The following PRKDC variants were observed in gnomAD, a reference collection of about 807,000 sequenced individuals.
PRKDC encodes DNA-dependent protein kinase catalytic subunit.
Under a neutral mutation model 486.9 loss-of-function variants are expected in PRKDC, and 82 were observed. The observed-to-expected ratio is 0.17, with a 90% confidence interval of 0.14 to 0.20. The LOEUF is 0.20. Among genes scored for constraint, PRKDC ranks in the 10% least tolerant of loss-of-function variants. The pLI, the probability that PRKDC is intolerant of heterozygous loss-of-function variation, is 1.00. For missense variants in PRKDC, 4,504 were observed against 5,038.2 expected (o/e 0.89, Z 3.21); for synonymous variants, 1,895 against 1,837.0 (o/e 1.03, Z -0.81).
intron 68 of PRKDC, among the ~76,000 whole-genome samples, chr8:47,815,032 G>A (rs992080310): frequency 1.3e-5 from 2 of 152,122 alleles, no homozygotes; most frequent in Non-Finnish European, 2.9e-5. Flanking sequence ...CAGGCATGGT[G>A]GCGCACGCCT....
rs531214627 is a variant in PRKDC at position 47,933,266 on chromosome 8, C to T, written c.1624-94G>A. ...AAGACACATACACAGATGTATGTGCCGGTTTGGGTATTATGGAAACAGTGA... is the reference window on the plus strand; with the variant it reads ...AAGACACATACACAGATGTATGTGCTGGTTTGGGTATTATGGAAACAGTGA... On this transcript the variant is annotated intron_variant, in intron 15 of 85. Transcript: ENST00000314191. 3.9e-6 allele frequency: 4 copies of T among 1,030,062 alleles called. No homozygotes were observed. In the East Asian group the frequency reaches 9.6e-5, roughly 25 times the overall value. The allele number at this position is 1,030,062 out of a possible 1,614,324, so 63.8% of individuals were successfully genotyped here. A position where few individuals can be genotyped will look rare whatever the true frequency, so the allele number is the denominator to read the frequency against.
intron 7 of PRKDC, among the ~76,000 whole-genome samples, chr8:47,951,802 A>G (rs2090629599): frequency 6.6e-6 from 1 of 152,238 alleles, no homozygotes; most frequent in African/African-American, 2.4e-5. Context: ...AAAATGGGCA[A>G]AAGATCTGAA....
Position 47,778,616 on chromosome 8 carries a change from G to A in PRKDC, c.11696C>T (p.Ala3899Val), listed in dbSNP as rs371310347. ...RMSTSPEAFL[A>V]LRSHFASSHA... is the part of the protein sequence containing the mutation. ...AGAGCTGGCGAAGTGGGAGCGGAGC[G>A]CCAGGAAAGCCTCAGGGCTTGTACT... The change falls in exon 83 of 86, where the codon GCG becomes GTG. Residue 3899 changes from alanine to valine, a missense_variant. Around this residue, in one of 6 missense-constraint regions of PRKDC, gnomAD observed 706 missense variants for 945.0 expected, o/e 0.75. Coordinates refer to ENST00000314191, the MANE Select transcript of PRKDC (RefSeq NM_006904.7). The A allele has an allele frequency of 3.5e-5, 57 of 1,613,562 alleles. No individual in the cohort carries two copies. Among genetic ancestry groups the A allele is most frequent in the Middle Eastern group, 3.3e-4 (2 of 6,084 alleles).
chr8:47,949,420 A>T (rs1180828612), intron 7 of PRKDC, among the ~76,000 whole-genome samples: 1 of 152,228 alleles, frequency 6.6e-6, no homozygotes, highest in Admixed American at 6.5e-5. Flanking sequence ...TGCCATGAAG[A>T]GTCATTACAG....
At chr8:47,953,742 A>G in intron 6 of PRKDC, 23 bp from the exon 7 acceptor site, 1 of 1,595,850 alleles carries the variant, frequency 6.3e-7, no homozygotes, top group Non-Finnish European at 8.5e-7. Flanking sequence ...ATTTAAGAAG[A>G]TGTCATTACA....
chr8:47,879,755 T>A, intron 38 of PRKDC, 97 bp from the exon 39 acceptor site: 1 of 1,066,732 alleles, frequency 9.4e-7, no homozygotes, highest in Non-Finnish European at 1.3e-6. Flanking sequence ...AATAAAGCAT[T>A]ATGTGGAATC....
At chr8:47,933,209 G>A in intron 15 of PRKDC, 37 bp from the exon 16 acceptor site, 1 of 1,411,256 alleles carries the variant, frequency 7.1e-7, no homozygotes, top group Non-Finnish European at 9.4e-7. Context: ...TCAAAATCTT[G>A]TGCAAAAATG....
At position 47,807,142 on chromosome 8, in the gene PRKDC, T is replaced by C; in HGVS notation, c.9742A>G (p.Lys3248Glu). ...MKMKMIDSAR[K>E]QNNFSLAMKL... is the part of the protein sequence containing the mutation. ...GGACAGACACGAGTACCCACCTGCT[T>C]CCGGGCACTGTCTATCATCTTCATT... The change falls in exon 69 of 86, where the codon AAG (lysine) becomes GAG (glutamate). Residue 3248 changes from lysine (K) to glutamate (E), a missense_variant. Coordinates refer to ENST00000314191, the MANE Select transcript of PRKDC (RefSeq NM_006904.7). The C allele has an allele frequency of 6.2e-7, 1 of 1,613,478 alleles. No individual in the cohort carries two copies. The highest frequency in any genetic ancestry group is 8.5e-7 in the Non-Finnish European group (1 of 1,179,600).
intron 25 of PRKDC, among the ~76,000 whole-genome samples, chr8:47,910,194 C>T (rs2089871532): frequency 6.6e-6 from 1 of 152,062 alleles, no homozygotes; most frequent in African/African-American, 2.4e-5. Context: ...GCTGGTTCCC[C>T]CAATATTCCT....
chr8:47,808,164 C>T (rs1377495339), intron 68 of PRKDC, among the ~76,000 whole-genome samples: 1 of 151,932 alleles, frequency 6.6e-6, no homozygotes, highest in African/African-American at 2.4e-5. Context: ...TTTTTTGAGA[C>T]AGGGTCTTGC....
At chr8:47,780,665 C>T (rs2086684387) in intron 80 of PRKDC, among the ~76,000 whole-genome samples, 1 of 152,144 alleles carries the variant, frequency 6.6e-6, no homozygotes, top group Admixed American at 6.5e-5. Flanking sequence ...GTAGGCCGGG[C>T]GCAGTGGCTC....
intron 49 of PRKDC, 92 bp downstream of exon 49, chr8:47,857,064 G>T: frequency 7.5e-7 from 1 of 1,336,798 alleles, no homozygotes; most frequent in Non-Finnish European, 9.9e-7. Flanking sequence ...CCATAGCACA[G>T]TCAGTGAGAG....
At chr8:47,863,687 CA>C (rs2088731796) in intron 41 of PRKDC, 110 bp from the exon 42 acceptor site, 4 of 932,064 alleles carry the variant, frequency 4.3e-6, no homozygotes, top group Non-Finnish European at 6.3e-6. Context: ...AGAATTTTAA[CA>C]GTCAAAAATG....
At chr8:47,871,982 T>C (rs187747277) in intron 40 of PRKDC, among the ~76,000 whole-genome samples, 42 of 152,240 alleles carry the variant, frequency 2.8e-4, no homozygotes, top group African/African-American at 3.9e-4. Context: ...AAGAAAACCA[T>C]AGAATATTGT....
intron 76 of PRKDC, 71 bp downstream of exon 76, chr8:47,788,833 TAC>T: frequency 7.6e-7 from 1 of 1,314,346 alleles, no homozygotes; most frequent in Non-Finnish European, 1.0e-6. Context: ...CAAATATTAT[TAC>T]ATTTAATAAT....
At chr8:47,859,205 T>TA (rs2088617097) in intron 46 of PRKDC, among the ~76,000 whole-genome samples, 1 of 152,244 alleles carries the variant, frequency 6.6e-6, no homozygotes, top group Non-Finnish European at 1.5e-5. Context: ...CCGTCCCGTC[T>TA]GCCCAGTCAT....
Position 47,893,228 on chromosome 8 carries a change from G to T in PRKDC, c.3758C>A (p.Thr1253Lys), listed in dbSNP as rs753495461. The T allele has an allele frequency of 2.2e-5, 36 of 1,612,686 alleles. No homozygotes were observed. The highest frequency in any genetic ancestry group is 3.1e-5 in the Non-Finnish European group (36 of 1,179,330). Reference sequence around the variant, plus strand: ...CAGGAGCAGGTCCAGCCAGCATAGCGTGGCCTGCAGGCTGAATGGCCCCCG... The same window carrying T: ...CAGGAGCAGGTCCAGCCAGCATAGCTTGGCCTGCAGGCTGAATGGCCCCCG... Reference protein sequence around the residue: ...YLRGPFSLQATLCWLDLLLAA... With the variant: ...YLRGPFSLQAKLCWLDLLLAA... The change falls in exon 31 of 86, where the codon ACG becomes AAG. Residue 1253 changes from threonine (T) to lysine (K), a missense_variant. By Grantham distance (78) the Thr-to-Lys change is moderately conservative. Coordinates refer to ENST00000314191, the MANE Select transcript of PRKDC (RefSeq NM_006904.7).
chr8:47,922,361 A>C (rs1218961213), intron 21 of PRKDC, among the ~76,000 whole-genome samples: 6 of 152,176 alleles, frequency 3.9e-5, no homozygotes, highest in African/African-American at 1.4e-4. Flanking sequence ...AATCCCAGCC[A>C]CTTGGGAAGC....
intron 28 of PRKDC, among the ~76,000 whole-genome samples, chr8:47,900,100 C>T (rs536618484): frequency 7.4e-4 from 112 of 152,314 alleles, no homozygotes; most frequent in African/African-American, 2.1e-3. Flanking sequence ...TGACTGGCTT[C>T]GTTGTCTCCC....
Sources: gnomAD v4.1 joint callset for allele counts (sites outside exome capture counted in the v4.1 genomes callset) on GRCh38, gnomAD v4.1.1 for gene constraint, gnomAD v4.1.1 regional missense constraint, MANE v1.5 for transcripts, NCBI Gene and HGNC (gene_info 2026-07-23, HGNC 2026-07-21) for gene names.